Variants in GSK3B observed in about 807,000 individuals in gnomAD.
GSK3B encodes glycogen synthase kinase-3 beta.
A neutral mutation model predicts 56.4 loss-of-function variants in GSK3B; 15 were observed. The ratio of observed to expected loss-of-function variants is 0.27; its 90% CI spans 0.18 to 0.41. The LOEUF (loss-of-function observed/expected upper bound fraction) is 0.41, where lower values mean the gene tolerates loss of function less well. Among genes scored for constraint, GSK3B ranks in the 10% least tolerant of loss-of-function variants. The probability of loss-of-function intolerance (pLI) is 1.00; values close to 1 mark genes in which losing one functional copy is unlikely to be tolerated. For synonymous variants in GSK3B, 181 were observed against 188.9 expected (o/e 0.96, Z 0.34); for missense variants, 300 against 513.4 (o/e 0.58, Z 4.02).
chr3:120,029,241 AG>A (rs2107519447), intron 1 of GSK3B: 1 of 710,774 alleles, frequency 1.4e-6, no homozygotes, highest in Non-Finnish European at 2.6e-6. Flanking sequence ...AGACTATGAC[AG>A]GTTATCACAG....
intron 1 of GSK3B, among the ~76,000 whole-genome samples, chr3:120,015,071 C>T (rs1215901760): frequency 1.3e-5 from 2 of 152,142 alleles, no homozygotes; most frequent in African/African-American, 4.8e-5. Flanking sequence ...ATCACAAGTT[C>T]AACCTACTTA....
intron 4 of GSK3B, among the ~76,000 whole-genome samples, chr3:119,921,053 A>T (rs1264200003): frequency 6.6e-6 from 1 of 152,244 alleles, no homozygotes; most frequent in Admixed American, 6.5e-5. Context: ...GAAATGTGTA[A>T]GATGAACTTG....
intron 10 of GSK3B, among the ~76,000 whole-genome samples, chr3:119,834,049 A>G (rs1026578195): frequency 6.6e-6 from 1 of 151,908 alleles, no homozygotes; most frequent in African/African-American, 2.4e-5. Flanking sequence ...CCCAATAACA[A>G]TCTCTTCCAA....
At position 120,093,535 on chromosome 3, in the gene GSK3B, C is replaced by A; in HGVS notation, c.-101G>T. The A allele has an allele frequency of 1.3e-6, 1 of 746,966 alleles. No homozygotes were observed. 46.3% of individuals were successfully genotyped at this position (746,966 alleles called of 1,614,324 possible). ...TTAACGATAAATGCAGCATTAAGTTCTCCCACAGAAGAAAAAGAAAAAGAC... is the reference window on the plus strand; with the variant it reads ...TTAACGATAAATGCAGCATTAAGTTATCCCACAGAAGAAAAAGAAAAAGAC... On this transcript the variant is annotated 5_prime_UTR_variant, in exon 1 of 11. Coordinates refer to ENST00000264235, the MANE Select transcript of GSK3B (RefSeq NM_001146156.2).
Position 119,956,397 on chromosome 3 carries a change from C to T in GSK3B, c.283-9046G>A, listed in dbSNP as rs1318121286. Among the ~76,000 whole-genome samples, 3 of 152,092 alleles carry T rather than the reference C, an allele frequency of 2.0e-5. No individual in the cohort carries two copies. The East Asian group carries it at 5.8e-4, about 29-fold the overall frequency. ...CTATACAGGTTGAATACACATTATC[C>T]GAAATGCTTGGGACCAAAAGTGTTT... is the stretch of plus-strand genomic sequence containing the variant. On this transcript the variant is annotated intron_variant, in intron 2 of 10. Transcript: ENST00000264235.
intron 7 of GSK3B, among the ~76,000 whole-genome samples, chr3:119,898,232 T>C (rs908524714): frequency 4.6e-5 from 7 of 152,142 alleles, no homozygotes; most frequent in African/African-American, 1.7e-4. Context: ...AAAAACAGAA[T>C]GGTTGTACAG....
intron 10 of GSK3B, chr3:119,833,037 C>G: frequency 1.1e-6 from 1 of 922,466 alleles, no homozygotes; most frequent in Non-Finnish European, 1.3e-6. Flanking sequence ...GGTCAACTGT[C>G]TCAATACTGA....
At chr3:119,948,705 T>C (rs2107493360) in intron 2 of GSK3B, among the ~76,000 whole-genome samples, 1 of 152,286 alleles carries the variant, frequency 6.6e-6, no homozygotes, top group South Asian at 2.1e-4. Context: ...TGTTTTTTTG[T>C]TTGTTTGTTT....
chr3:119,974,407 T>G, intron 2 of GSK3B, among the ~76,000 whole-genome samples: 1 of 151,902 alleles, frequency 6.6e-6, no homozygotes, highest in South Asian at 2.1e-4. Context: ...CTATGAGGAC[T>G]CTGAGATTAA....
chr3:120,034,474 G>A (rs1223024643), intron 1 of GSK3B, among the ~76,000 whole-genome samples: 1 of 151,950 alleles, frequency 6.6e-6, no homozygotes, highest in East Asian at 1.9e-4. Flanking sequence ...CATTTGTGGG[G>A]GATAAAAAAT....
chr3:120,043,462 C>T (rs910749636), intron 1 of GSK3B, among the ~76,000 whole-genome samples: 2 of 152,124 alleles, frequency 1.3e-5, no homozygotes, highest in African/African-American at 4.8e-5. Flanking sequence ...CTTGTGAGGA[C>T]GAACAATGAC....
At chr3:120,002,315 G>A (rs750748623) in intron 1 of GSK3B, 76 bp from the exon 2 acceptor site, 19 of 692,224 alleles carry the variant, frequency 2.7e-5, no homozygotes, top group Non-Finnish European at 4.3e-5. Context: ...AAATATACAA[G>A]GTAAACTATA....
At chr3:119,965,038 C>CTTTTTTTTTTTTTT (rs573903125) in intron 2 of GSK3B, among the ~76,000 whole-genome samples, 3 of 125,652 alleles carry the variant, frequency 2.4e-5, no homozygotes, top group Non-Finnish European at 3.4e-5. Context: ...ATTATGTTTT[C>CTTTTTTTTTTTTTT]TTTTTTTTTT....
intron 2 of GSK3B, among the ~76,000 whole-genome samples, chr3:119,995,576 T>C (rs537248534): frequency 1.3e-5 from 2 of 151,882 alleles, no homozygotes; most frequent in East Asian, 3.9e-4. Context: ...GTGATTCTCC[T>C]GCCTCAGTCA....
At chr3:119,842,599 A>G (rs758067874) in intron 10 of GSK3B, among the ~76,000 whole-genome samples, 92 of 152,164 alleles carry the variant, frequency 6.0e-4, no homozygotes, top group Non-Finnish European at 1.1e-3. Flanking sequence ...AAATTATGTA[A>G]AAACCGTAAC....
At chr3:119,847,140 G>A (rs995738870) in intron 9 of GSK3B, among the ~76,000 whole-genome samples, 1 of 152,052 alleles carries the variant, frequency 6.6e-6, no homozygotes, top group Non-Finnish European at 1.5e-5. Flanking sequence ...CCTGTTGCGG[G>A]GTAGGGGGGA....
intron 4 of GSK3B, among the ~76,000 whole-genome samples, chr3:119,921,084 A>G (rs1408246463): frequency 3.9e-5 from 6 of 152,234 alleles, no homozygotes; most frequent in Non-Finnish European, 8.8e-5. Context: ...TCATGTTAGA[A>G]AGCAAGGAAA....
intron 2 of GSK3B, among the ~76,000 whole-genome samples, chr3:119,985,239 G>A (rs775001653): frequency 6.6e-6 from 1 of 152,088 alleles, no homozygotes; most frequent in Non-Finnish European, 1.5e-5. Flanking sequence ...CATACTGAAT[G>A]GGCAAAAACT....
intron 1 of GSK3B, among the ~76,000 whole-genome samples, chr3:120,034,511 T>A (rs2058006258): frequency 6.6e-6 from 1 of 152,216 alleles, no homozygotes; most frequent in Admixed American, 6.5e-5. Flanking sequence ...TATCTTGGTA[T>A]CCTTGTCAAA....
Sources: allele counts gnomAD v4.1 joint callset (sites outside exome capture counted in the v4.1 genomes callset), GRCh38; gene constraint gnomAD v4.1.1; transcripts MANE v1.5; gene names NCBI Gene and HGNC (gene_info 2026-07-23, HGNC 2026-07-21).